Variants in ANKRD31 observed in about 807,000 individuals in gnomAD.
The protein encoded by ANKRD31 is ankyrin repeat domain 31, also known as ankyrin repeat domain-containing protein 31.
A neutral mutation model predicts 186.0 loss-of-function variants in ANKRD31; 147 were observed. The observed-to-expected ratio is 0.79, with a 90% confidence interval of 0.69 to 0.91. The LOEUF is 0.91. Among genes scored for constraint, ANKRD31 ranks in the 40% least tolerant of loss-of-function variants. The probability of loss-of-function intolerance (pLI) is 0.00; values close to 1 mark genes in which losing one functional copy is unlikely to be tolerated. For synonymous variants in ANKRD31, 673 were observed against 736.4 expected (o/e 0.91, Z 1.39); for missense variants, 1,986 against 2,148.8 (o/e 0.92, Z 1.50).
chr5:75,211,448 A>G (rs767771743), intron 3 of ANKRD31, among the ~76,000 whole-genome samples: 45 of 152,232 alleles, frequency 3.0e-4, no homozygotes, highest in Non-Finnish European at 1.5e-5. Flanking sequence ...TGCCATGAAC[A>G]TGTGTGTACA....
intron 10 of ANKRD31, among the ~76,000 whole-genome samples, chr5:75,181,947 T>A (rs1754341136): frequency 6.7e-6 from 1 of 150,138 alleles, no homozygotes; most frequent in East Asian, 2.0e-4. Flanking sequence ...AAATAAAAAA[T>A]AAAAAAAATA....
At chr5:75,101,347 T>G (rs2150050824) in intron 22 of ANKRD31, among the ~76,000 whole-genome samples, 1 of 152,348 alleles carries the variant, frequency 6.6e-6, no homozygotes. Flanking sequence ...TCTCTGTGGC[T>G]GCCCTTAACA....
chr5:75,210,835 GA>G lies in ANKRD31; in HGVS notation c.318del (p.Leu107CysfsTer22). ...AAAAATTAGTATACTTACTGTAACA[GA>G]GCTTGATTTCGTTCTGTTTCATCTT... Reference protein sequence around the residue: ...QSQDETERNQALLQTRKNCSM... With the variant: ...QSQDETERNQXLLQTRKNCSM... On this transcript the variant is annotated frameshift_variant, in exon 4 of 26. Transcript: ENST00000506364. LOFTEE classifies it high-confidence loss of function. 1.3e-6 allele frequency: 2 copies of G among 1,509,714 alleles called. No individual in the cohort carries two copies. The highest frequency in any genetic ancestry group is 2.6e-5 in the South Asian group (2 of 77,132). The allele number at this position is 1,509,714 out of a possible 1,614,324, so 93.5% of individuals were successfully genotyped here.
At chr5:75,208,039 A>AT (rs1266378759) in intron 4 of ANKRD31, among the ~76,000 whole-genome samples, 1 of 152,128 alleles carries the variant, frequency 6.6e-6, no homozygotes, top group Non-Finnish European at 1.5e-5. Flanking sequence ...ATATTAATAT[A>AT]TTTTTATGAA....
At position 75,091,344 on chromosome 5, in the gene ANKRD31, G is replaced by C; in HGVS notation, c.5389C>G (p.Gln1797Glu). Residue 1797 changes from glutamine (Q) to glutamate (E), a missense_variant, in exon 23 of 26, where the codon CAG becomes GAG. Transcript: ENST00000506364. ...CAGGTGACTGGGTTTTTATAAATCT[G>C]ACCACTTTCTACCTTAAGTTTACCA... ...LNGKLKVESGQIYKNPVTWLK... is the reference protein window; with the variant it reads ...LNGKLKVESGEIYKNPVTWLK... The C allele has an allele frequency of 6.5e-7, 1 of 1,537,024 alleles. No homozygotes were observed. The highest frequency in any genetic ancestry group is 8.7e-7 in the Non-Finnish European group (1 of 1,146,830).
At chr5:75,097,572 G>T (rs1746434076) in intron 22 of ANKRD31, among the ~76,000 whole-genome samples, 1 of 151,984 alleles carries the variant, frequency 6.6e-6, no homozygotes, top group South Asian at 2.1e-4. Context: ...TTGTCAGATG[G>T]GTAGATTGTA....
intron 24 of ANKRD31, among the ~76,000 whole-genome samples, chr5:75,083,476 C>T (rs1580287854): frequency 6.6e-6 from 1 of 152,304 alleles, no homozygotes; most frequent in African/African-American, 2.4e-5. Flanking sequence ...CACCTGTAAT[C>T]CCAGCACTTT....
intron 3 of ANKRD31, among the ~76,000 whole-genome samples, chr5:75,220,737 C>T (rs940322872): frequency 8.6e-5 from 13 of 151,546 alleles, no homozygotes; most frequent in African/African-American, 3.1e-4. Context: ...TGCTCAATGT[C>T]ACTAATCATT....
At chr5:75,159,035 T>C (rs1283021205) in intron 11 of ANKRD31, among the ~76,000 whole-genome samples, 1 of 151,584 alleles carries the variant, frequency 6.6e-6, no homozygotes, top group Non-Finnish European at 1.5e-5. Flanking sequence ...AACAGAAAGT[T>C]TTAAAAAAAT....
chr5:75,071,612 C>T (rs1744235864), intron 25 of ANKRD31, among the ~76,000 whole-genome samples: 2 of 151,550 alleles, frequency 1.3e-5, no homozygotes, highest in African/African-American at 4.9e-5. Flanking sequence ...GCTCTTGCCT[C>T]AGCCTTCTAA....
At chr5:75,083,600 T>C (rs6859176) in intron 24 of ANKRD31, among the ~76,000 whole-genome samples, 77,026 of 151,770 alleles carry the variant, frequency 0.51, 22,591 homozygotes, top group African/African-American at 0.82. Context: ...CCTGGTAGTG[T>C]GCACCTGTAA....
At chr5:75,229,702 T>C (rs560431373) in intron 2 of ANKRD31, among the ~76,000 whole-genome samples, 3 of 151,760 alleles carry the variant, frequency 2.0e-5, no homozygotes, top group Non-Finnish European at 2.9e-5. Context: ...CCGTCTCTAC[T>C]AAAAATACAA....
At chr5:75,069,766 C>G (rs4128618) in intron 25 of ANKRD31, among the ~76,000 whole-genome samples, 77,124 of 151,836 alleles carry the variant, frequency 0.51, 22,643 homozygotes, top group African/African-American at 0.82. Context: ...GGCTGGTCTC[C>G]AACTCCTGAC....
Position 75,068,584 on chromosome 5 carries a change from G to C in ANKRD31, c.5728C>G (p.Leu1910Val), listed in dbSNP as rs1743950047. The C allele has an allele frequency of 1.3e-6, 2 of 1,526,598 alleles. No individual in the cohort carries two copies. Among genetic ancestry groups the C allele is most frequent in the Non-Finnish European group, 1.8e-6 (2 of 1,142,488 alleles). 94.6% of individuals were successfully genotyped at this position (1,526,598 alleles called of 1,614,324 possible). ...EILLISDQEF[L>V]PCHIMDQHWK... ...TGCTGATCCATTATGTGGCATGGGA[G>C]AAATTCTTGATCACTGATTAATAGT... The change falls in exon 26 of 26, where the codon CTC (leucine) becomes GTC (valine). Residue 1910 changes from leucine to valine, a missense_variant. Leu to Val is a conservative substitution (Grantham distance 32). Transcript: ENST00000506364.
At chr5:75,224,424 G>A (rs1276092647) in intron 2 of ANKRD31, among the ~76,000 whole-genome samples, 1 of 151,594 alleles carries the variant, frequency 6.6e-6, no homozygotes, top group Admixed American at 6.6e-5. Context: ...AAATAATGTA[G>A]TGATGAAAAA....
At chr5:75,179,191 T>C (rs1427597933) in intron 10 of ANKRD31, among the ~76,000 whole-genome samples, 2 of 152,056 alleles carry the variant, frequency 1.3e-5, no homozygotes, top group African/African-American at 2.4e-5. Context: ...CAGGAAGAAG[T>C]TGAATCTCTG....
chr5:75,179,793 A>T (rs2150215362), intron 10 of ANKRD31, among the ~76,000 whole-genome samples: 1 of 152,300 alleles, frequency 6.6e-6, no homozygotes, highest in South Asian at 2.1e-4. Flanking sequence ...ATGGACAAAA[A>T]CTAGAAGCAT....
In ANKRD31 at chr5:75,091,196, C is replaced by A. The variant is rs190346250; in HGVS notation, c.5472+65G>T. ...TTCAGATTTCCTTAAAAAATACTTT[C>A]ATCACAAAAATATGTACTTTTCCAT... On this transcript the variant is annotated intron_variant, in intron 23 of 25. Coordinates refer to ENST00000506364, the MANE Select transcript of ANKRD31 (RefSeq NM_001372053.1). The A allele has an allele frequency of 8.2e-3, 11,996 of 1,464,894 alleles. 76 individuals are homozygous for A. Among genetic ancestry groups the A allele is most frequent in the Non-Finnish European group, 9.3e-3 (10,279 of 1,110,976 alleles). 90.7% of individuals were successfully genotyped at this position (1,464,894 alleles called of 1,614,324 possible). A position where few individuals can be genotyped will look rare whatever the true frequency, so the allele number is the denominator to read the frequency against.
intron 11 of ANKRD31, among the ~76,000 whole-genome samples, chr5:75,157,057 A>G (rs992150664): frequency 1.3e-5 from 2 of 152,192 alleles, no homozygotes; most frequent in African/African-American, 4.8e-5. Flanking sequence ...TCTTGAACAG[A>G]CATCTGGTAG....
Sources: gnomAD v4.1 joint callset for allele counts (sites outside exome capture counted in the v4.1 genomes callset) on GRCh38, gnomAD v4.1.1 for gene constraint, MANE v1.5 for transcripts, NCBI Gene and HGNC (gene_info 2026-07-23, HGNC 2026-07-21) for gene names.